C2orf42: variants seen among roughly 807,000 people sequenced by gnomAD.
C2orf42 encodes the protein chromosome 2 open reading frame 42, also known as uncharacterized protein C2orf42.
Under a neutral mutation model 58.9 loss-of-function variants are expected in C2orf42, and 44 were observed. The ratio of observed to expected loss-of-function variants is 0.75; its 90% CI spans 0.59 to 0.96. C2orf42 has a LOEUF of 0.96. Among genes scored for constraint, C2orf42 ranks in the 40% least tolerant of loss-of-function variants. The probability of loss-of-function intolerance (pLI) is 0.00; values close to 1 mark genes in which losing one functional copy is unlikely to be tolerated. For synonymous variants in C2orf42, 239 were observed against 265.4 expected (o/e 0.90, Z 0.97); for missense variants, 630 against 699.2 (o/e 0.90, Z 1.12).
At chr2:70,151,077 C>A (rs1277735613) in intron 9 of C2orf42, among the ~76,000 whole-genome samples, 7 of 152,118 alleles carry the variant, frequency 4.6e-5, no homozygotes, top group Non-Finnish European at 1.0e-4. Context: ...TTAGGCCAGG[C>A]ATGGTAGTTC....
At position 70,182,763 on chromosome 2, in the gene C2orf42, G is replaced by A. The variant is rs544917725; in HGVS notation, c.-109C>T. ...GTTTCTAATGATCAGGTGAAAACAC[G>A]ATCATTTGCAGACTAATGATAACTG... On this transcript the variant is annotated 5_prime_UTR_variant, in exon 2 of 10. Coordinates refer to ENST00000264434, the MANE Select transcript of C2orf42 (RefSeq NM_017880.3). 5 of 152,220 alleles carry A rather than the reference G, an allele frequency of 3.3e-5. No individual in the cohort carries two copies. In the South Asian group the frequency reaches 8.3e-4, roughly 25 times the overall value. 9.4% of individuals were successfully genotyped at this position (152,220 alleles called of 1,614,324 possible).
chr2:70,182,107 T>A (rs1674621476), intron 2 of C2orf42, 110 bp from the exon 3 acceptor site: 1 of 243,980 alleles, frequency 4.1e-6, no homozygotes, highest in Non-Finnish European at 7.7e-6. Context: ...CTATCTACTA[T>A]TTTTTTTTTT....
At chr2:70,166,939 T>C (rs1673444625) in intron 6 of C2orf42, among the ~76,000 whole-genome samples, 1 of 152,184 alleles carries the variant, frequency 6.6e-6, no homozygotes, top group African/African-American at 2.4e-5. Flanking sequence ...TCTCACCCGA[T>C]GGTCAGCACC....
rs926884223 is a variant in C2orf42 at position 70,182,106 on chromosome 2, A to G, written c.-12-109T>C. Reference sequence around the variant, plus strand: ...GCAAAATATAAAAAAGCTATCTACTATTTTTTTTTTTTAGACGGAGTCTCG... The same window carrying G: ...GCAAAATATAAAAAAGCTATCTACTGTTTTTTTTTTTTAGACGGAGTCTCG... On this transcript the variant is annotated intron_variant, in intron 2 of 9. Transcript: ENST00000264434. 9 of 510,396 alleles carry G rather than the reference A, an allele frequency of 1.8e-5. No homozygotes were observed. In the African/African-American group the frequency reaches 1.8e-4, roughly 10 times the overall value. The allele number at this position is 510,396 out of a possible 1,614,324, so 31.6% of individuals were successfully genotyped here. A position where few individuals can be genotyped will look rare whatever the true frequency, so the allele number is the denominator to read the frequency against.
chr2:70,181,294 G>T lies in C2orf42; in HGVS notation c.692C>A (p.Ser231Ter). Reference sequence around the variant, plus strand: ...ATCCTTGGAGGCATTTGACTTGTGCGATTTCAGAGTCTGACAGGAGCAGAA... The same window carrying T: ...ATCCTTGGAGGCATTTGACTTGTGCTATTTCAGAGTCTGACAGGAGCAGAA... ...RFFCSCQTLK[S>*]HKSNASKDET... Residue 231 changes from serine (S) to a stop codon, truncating the protein, a stop_gained, in exon 3 of 10, where the codon TCG becomes TAG. Transcript: ENST00000264434. LOFTEE classifies it high-confidence loss of function. 1 of 1,613,928 alleles carries T rather than the reference G, an allele frequency of 6.2e-7. No homozygotes were observed. Among genetic ancestry groups the T allele is most frequent in the Non-Finnish European group, 8.5e-7 (1 of 1,179,872 alleles).
intron 8 of C2orf42, 67 bp from the exon 9 acceptor site, chr2:70,160,854 TGAC>T: frequency 1.0e-6 from 1 of 960,660 alleles, no homozygotes; most frequent in South Asian, 1.9e-5. Context: ...AATACCTGGA[TGAC>T]GACAAATCTT....
At chr2:70,180,411 C>T (rs1446096676) in intron 3 of C2orf42, among the ~76,000 whole-genome samples, 4 of 151,784 alleles carry the variant, frequency 2.6e-5, no homozygotes, top group Non-Finnish European at 4.4e-5. Context: ...AGTTTGAGAC[C>T]AGCCTGGCCA....
At chr2:70,166,659 G>A (rs561804300) in intron 6 of C2orf42, among the ~76,000 whole-genome samples, 57 of 152,088 alleles carry the variant, frequency 3.7e-4, no homozygotes, top group African/African-American at 1.3e-3. Context: ...TTGGGCAACA[G>A]GGTGAGACTC....
At chr2:70,159,528 T>C (rs1233094843) in intron 9 of C2orf42, among the ~76,000 whole-genome samples, 1 of 146,034 alleles carries the variant, frequency 6.8e-6, no homozygotes, top group African/African-American at 2.5e-5. Context: ...GCAGAGGTTG[T>C]GGTGAGCCAA....
At chr2:70,186,461 T>C (rs553756406) in intron 1 of C2orf42, among the ~76,000 whole-genome samples, 101 of 152,220 alleles carry the variant, frequency 6.6e-4, no homozygotes, top group Non-Finnish European at 1.0e-3. Context: ...GGAAACAACA[T>C]GTGCTGGAGA....
intron 6 of C2orf42, among the ~76,000 whole-genome samples, chr2:70,167,618 A>G (rs1020032904): frequency 1.3e-5 from 2 of 151,564 alleles, no homozygotes; most frequent in Non-Finnish European, 2.9e-5. Flanking sequence ...ACACATGCCT[A>G]TAATCCCAGC....
At chr2:70,163,110 CA>C (rs1673164962) in intron 8 of C2orf42, among the ~76,000 whole-genome samples, 1 of 151,966 alleles carries the variant, frequency 6.6e-6, no homozygotes, top group Admixed American at 6.6e-5. Context: ...TCAGGTGATC[CA>C]CCTGCCTTAG....
chr2:70,157,073 T>C (rs1672719903), intron 9 of C2orf42, among the ~76,000 whole-genome samples: 1 of 152,062 alleles, frequency 6.6e-6, no homozygotes, highest in African/African-American at 2.4e-5. Flanking sequence ...ATATAAGAAG[T>C]CATTCAGGGA....
chr2:70,166,140 C>T (rs1397772069), intron 6 of C2orf42, among the ~76,000 whole-genome samples: 9 of 151,714 alleles, frequency 5.9e-5, no homozygotes, highest in African/African-American at 1.7e-4. Context: ...CCACCCACCT[C>T]GGCCACCCAA....
At chr2:70,162,197 G>T (rs1263302254) in intron 8 of C2orf42, among the ~76,000 whole-genome samples, 1 of 151,764 alleles carries the variant, frequency 6.6e-6, no homozygotes, top group Non-Finnish European at 1.5e-5. Context: ...TTCTAGTAGA[G>T]ACGGGTTTTC....
chr2:70,152,328 C>T (rs916716288), intron 9 of C2orf42, among the ~76,000 whole-genome samples: 2 of 152,160 alleles, frequency 1.3e-5, no homozygotes, highest in Admixed American at 1.3e-4. Flanking sequence ...TCATGTTTGT[C>T]ACAGACATTC....
At chr2:70,173,296 C>T (rs148319321) in intron 5 of C2orf42, among the ~76,000 whole-genome samples, 20,573 of 111,870 alleles carry the variant, frequency 0.18, 2,736 homozygotes, top group African/African-American at 0.4. Context: ...TTTTTTGAGA[C>T]GGAGTCTCAC....
chr2:70,157,740 T>C (rs1672774240), intron 9 of C2orf42, among the ~76,000 whole-genome samples: 1 of 151,900 alleles, frequency 6.6e-6, no homozygotes, highest in Non-Finnish European at 1.5e-5. Flanking sequence ...GAGGTTGCAG[T>C]GAGCCGAGAT....
Position 70,169,540 on chromosome 2 carries a change from A to G in C2orf42, c.1144+17T>C. 6.3e-6 allele frequency: 8 copies of G among 1,265,172 alleles called. No individual in the cohort carries two copies. Among genetic ancestry groups the G allele is most frequent in the Non-Finnish European group, 9.3e-6 (8 of 863,796 alleles). 78.4% of individuals were successfully genotyped at this position (1,265,172 alleles called of 1,614,324 possible). ...TCCTACTTTCAGCAAGAGCCCAGTTAGATGAACAATACTTACCATCAAACT... is the reference window on the plus strand; with the variant it reads ...TCCTACTTTCAGCAAGAGCCCAGTTGGATGAACAATACTTACCATCAAACT... On this transcript the variant is annotated intron_variant, in intron 6 of 9. Coordinates refer to ENST00000264434, the MANE Select transcript of C2orf42 (RefSeq NM_017880.3).
Sources: gnomAD v4.1 joint callset for allele counts (sites outside exome capture counted in the v4.1 genomes callset) on GRCh38, gnomAD v4.1.1 for gene constraint, MANE v1.5 for transcripts, NCBI Gene and HGNC (gene_info 2026-07-23, HGNC 2026-07-21) for gene names.